GPC5: variants seen among roughly 807,000 people sequenced by gnomAD.
GPC5 encodes the protein glypican 5.
Under a neutral mutation model 53.9 loss-of-function variants are expected in GPC5, and 47 were observed. That is an observed-to-expected ratio of 0.87 (90% confidence interval 0.69 to 1.11). The LOEUF (loss-of-function observed/expected upper bound fraction) is 1.11, where lower values mean the gene tolerates loss of function less well. GPC5 is among the 50% of genes most tolerant of loss of function. The pLI, the probability that GPC5 is intolerant of heterozygous loss-of-function variation, is 0.00. For synonymous variants in GPC5, 286 were observed against 263.3 expected, an observed-to-expected ratio of 1.09 and a Z score of -0.84; for missense variants, 748 against 713.1, an observed-to-expected ratio of 1.05 and a Z score of -0.56.
intron 5 of GPC5, among the ~76,000 whole-genome samples, chr13:91,901,417 T>C (rs1196663723): frequency 2.0e-5 from 3 of 152,052 alleles, no homozygotes; most frequent in Non-Finnish European, 4.4e-5. Flanking sequence ...CTATCTTCCA[T>C]GAAAGGTAGT....
rs375797985 is a variant in GPC5, at chr13:91,453,660, A to G, written c.325+4738A>G. On this transcript the variant is annotated intron_variant, in intron 2 of 7. Transcript: ENST00000377067. ...GGGGAGACTTATTTCTATGTGTAGC[A>G]CTGAGAGCAGATATACAGCAAATGT... Among the ~76,000 whole-genome samples, 201 of 152,206 alleles carry G rather than the reference A, an allele frequency of 1.3e-3. 1 individual carries two copies. The highest frequency in any genetic ancestry group is 4.6e-3 in the African/African-American group (193 of 41,556).
intron 7 of GPC5, among the ~76,000 whole-genome samples, chr13:92,779,213 T>A (rs1412264425): frequency 6.6e-6 from 1 of 151,934 alleles, no homozygotes; most frequent in African/African-American, 2.4e-5. Flanking sequence ...TTTAAAACCA[T>A]CAGATCTCAT....
At position 91,760,140 on chromosome 13, in the gene GPC5, G is replaced by A. The variant is rs1008857141; in HGVS notation, c.1280+3720G>A. On this transcript the variant is annotated intron_variant, in intron 5 of 7. Coordinates refer to ENST00000377067, the MANE Select transcript of GPC5 (RefSeq NM_004466.6). Reference sequence around the variant, plus strand: ...TTCTCAAAAAAAAGTAAAAATTAACGTTGTAAAAAGTGCTATTTATACATT... The same window carrying A: ...TTCTCAAAAAAAAGTAAAAATTAACATTGTAAAAAGTGCTATTTATACATT... Among the ~76,000 whole-genome samples, 12 of 151,914 alleles carry A rather than the reference G, an allele frequency of 7.9e-5. No homozygotes were observed. The East Asian group carries it at 9.6e-4, about 12-fold the overall frequency.
At chr13:91,983,154 G>A (rs1046542091) in intron 6 of GPC5, among the ~76,000 whole-genome samples, 1 of 151,996 alleles carries the variant, frequency 6.6e-6, no homozygotes, top group East Asian at 1.9e-4. Context: ...GACCATCCTG[G>A]CTAACACGGT....
chr13:91,754,157 A>T (rs1330735599), intron 4 of GPC5, among the ~76,000 whole-genome samples: 1 of 152,140 alleles, frequency 6.6e-6, no homozygotes, highest in Non-Finnish European at 1.5e-5. Context: ...TTGTTGTTCA[A>T]ATTGAAGTGA....
chr13:92,188,219 G>A (rs1404948051), intron 7 of GPC5, among the ~76,000 whole-genome samples: 2 of 152,176 alleles, frequency 1.3e-5, no homozygotes, highest in Non-Finnish European at 2.9e-5. Flanking sequence ...AGTTGAGATA[G>A]CCTTCCATGC....
chr13:92,322,757 A>C (rs2043224505), intron 7 of GPC5, among the ~76,000 whole-genome samples: 1 of 152,182 alleles, frequency 6.6e-6, no homozygotes, highest in Admixed American at 6.6e-5. Flanking sequence ...AATTTATGTC[A>C]TGAAGAAAAT....
rs147879612 is a variant in GPC5 at position 92,259,311 on chromosome 13, G to A, written c.1561+114322G>A. 3.3e-5 allele frequency among the ~76,000 whole-genome samples: 5 copies of A among 152,176 alleles called. No homozygotes were observed. In the East Asian group the frequency reaches 9.7e-4, roughly 29 times the overall value. On this transcript the variant is annotated intron_variant, in intron 7 of 7. Coordinates refer to ENST00000377067, the MANE Select transcript of GPC5 (RefSeq NM_004466.6). ...CTCTTTCCGTTGTTTATGGCTGGGT[G>A]GCCTCCAAGGACAAGCAGTTTATGT... is the stretch of plus-strand genomic sequence containing the variant.
chr13:91,984,441 C>G (rs1220401120), intron 6 of GPC5, among the ~76,000 whole-genome samples: 2 of 152,160 alleles, frequency 1.3e-5, no homozygotes, highest in African/African-American at 4.8e-5. Context: ...CTGATCTGCA[C>G]TTTACGTGGT....
chr13:91,831,155 A>T (rs1345278777), intron 5 of GPC5, among the ~76,000 whole-genome samples: 6 of 148,780 alleles, frequency 4.0e-5, no homozygotes, highest in Admixed American at 3.5e-4. Context: ...TTACACAATC[A>T]TAAAGTCCCA....
At chr13:92,054,283 T>TA (rs1021090667) in intron 6 of GPC5, among the ~76,000 whole-genome samples, 5 of 151,408 alleles carry the variant, frequency 3.3e-5, no homozygotes, top group African/African-American at 7.3e-5. Context: ...TTGATTCTTC[T>TA]AAAAAAAAGT....
chr13:91,736,218 G>T (rs1349398551), intron 4 of GPC5, among the ~76,000 whole-genome samples: 1 of 151,308 alleles, frequency 6.6e-6, no homozygotes, highest in Non-Finnish European at 1.5e-5. Context: ...AGGGTAAATT[G>T]TGATAGTATG....
At chr13:92,116,266 CAAACAAAAA>C (rs1359639873) in intron 6 of GPC5, among the ~76,000 whole-genome samples, 164 of 11,536 alleles carry the variant, frequency 0.014, no homozygotes, top group Non-Finnish European at 0.095. Flanking sequence ...AACAAACAAA[CAAACAAAAA>C]AAAAAAAACA....
chr13:91,640,440 G>A (rs1167820070), intron 2 of GPC5, among the ~76,000 whole-genome samples: 1 of 152,140 alleles, frequency 6.6e-6, no homozygotes, highest in East Asian at 1.9e-4. Flanking sequence ...ACCATCTCAC[G>A]CCAGTCAGAC....
chr13:92,813,866 G>T (rs979339977), intron 7 of GPC5, among the ~76,000 whole-genome samples: 7 of 151,928 alleles, frequency 4.6e-5, no homozygotes, highest in African/African-American at 1.7e-4. Flanking sequence ...AATCTCCTTT[G>T]ACTTTAGTAG....
chr13:92,675,788 A>G (rs1886918484), intron 7 of GPC5, among the ~76,000 whole-genome samples: 3 of 152,132 alleles, frequency 2.0e-5, no homozygotes, highest in Admixed American at 2.0e-4. Context: ...TGTAATATTC[A>G]TATAGCAGAG....
At chr13:92,574,577 A>G (rs1883134106) in intron 7 of GPC5, among the ~76,000 whole-genome samples, 2 of 152,086 alleles carry the variant, frequency 1.3e-5, no homozygotes, top group African/African-American at 4.8e-5. Flanking sequence ...TTGATTCTCT[A>G]TTTATATTCA....
At chr13:91,714,839 GA>G (rs2036301683) in intron 3 of GPC5, among the ~76,000 whole-genome samples, 1 of 152,144 alleles carries the variant, frequency 6.6e-6, no homozygotes, top group South Asian at 2.1e-4. Context: ...GCCCGGGAAA[GA>G]ACTTAAGGGT....
intron 5 of GPC5, among the ~76,000 whole-genome samples, chr13:91,783,229 C>T (rs566268216): frequency 1.2e-4 from 18 of 151,212 alleles, no homozygotes; most frequent in Non-Finnish European, 2.4e-4. Context: ...ACTCCAGCCT[C>T]GGCAGCAAGA....
Sources: gnomAD v4.1 joint callset for allele counts (sites outside exome capture counted in the v4.1 genomes callset) on GRCh38, gnomAD v4.1.1 for gene constraint, MANE v1.5 for transcripts, NCBI Gene and HGNC (gene_info 2026-07-23, HGNC 2026-07-21) for gene names.